The following DHRS12 variants were observed in gnomAD, a reference collection of about 807,000 sequenced individuals.
The protein encoded by DHRS12 is dehydrogenase/reductase SDR family member 12.
A neutral mutation model predicts 32.1 loss-of-function variants in DHRS12; 29 were observed. The ratio of observed to expected loss-of-function variants is 0.90; its 90% CI spans 0.67 to 1.23. DHRS12 has a LOEUF of 1.23. Among genes scored for constraint, DHRS12 ranks in the 50% most tolerant of loss-of-function variants. The pLI is 0.00. For missense variants in DHRS12, 330 were observed against 337.2 expected, an observed-to-expected ratio of 0.98 and a Z score of 0.17; for synonymous variants, 150 against 135.9, an observed-to-expected ratio of 1.10 and a Z score of -0.72.
At chr13:51,796,451 A>G (rs1350580453) in intron 2 of DHRS12, among the ~76,000 whole-genome samples, 1 of 152,174 alleles carries the variant, frequency 6.6e-6, no homozygotes, top group Non-Finnish European at 1.5e-5. Context: ...GTGTATCTGT[A>G]TGGAGGTGAG....
intron 4 of DHRS12, among the ~76,000 whole-genome samples, chr13:51,786,273 T>G (rs1954951534): frequency 1.3e-5 from 2 of 152,188 alleles, no homozygotes; most frequent in Admixed American, 1.3e-4. Context: ...TCGTCTTGTG[T>G]CCTGTGGTGA....
In DHRS12 at chr13:51,790,107, T is replaced by C. The variant is rs1431775610; in HGVS notation, c.220-15A>G. On this transcript the variant is annotated splice_polypyrimidine_tract_variant and intron_variant, in intron 3 of 8. Coordinates refer to ENST00000444610, the MANE Select transcript of DHRS12 (RefSeq NM_001377533.1). The stretch of plus-strand genomic sequence containing the variant: ...GCATTATTGATCTAAAATTTATAGT[T>C]CTCATTTCAAAATAAAGAAAAATAG... The C allele has an allele frequency of 1.9e-6, 3 of 1,561,972 alleles. No homozygotes were observed. Among genetic ancestry groups the C allele is most frequent in the Non-Finnish European group, 2.6e-6 (3 of 1,160,780 alleles).
chr13:51,803,038 C>T lies in DHRS12; in HGVS notation c.-9+1016G>A, dbSNP rs531614400. ...AGGACACCCCTTTGAAAGAAAGAGGCTGCCACTGTATTCCCCTAAAAACTG... is the reference window on the plus strand; with the variant it reads ...AGGACACCCCTTTGAAAGAAAGAGGTTGCCACTGTATTCCCCTAAAAACTG... On this transcript the variant is annotated intron_variant, in intron 1 of 8. Transcript: ENST00000444610. 3.9e-5 allele frequency among the ~76,000 whole-genome samples: 6 copies of T among 152,358 alleles called. No individual in the cohort carries two copies. In the South Asian group the frequency reaches 1.2e-3, roughly 32 times the overall value.
intron 4 of DHRS12, 86 bp downstream of exon 4, chr13:51,789,925 A>C (rs1383711475): frequency 2.1e-6 from 3 of 1,453,942 alleles, no homozygotes; most frequent in East Asian, 5.1e-5. Context: ...AAGAACCAAA[A>C]AAGTTGGTCA....
intron 2 of DHRS12, among the ~76,000 whole-genome samples, chr13:51,797,395 C>T (rs971547673): frequency 9.2e-5 from 14 of 152,204 alleles, no homozygotes; most frequent in Admixed American, 8.5e-4. Context: ...TCTGAAGGCT[C>T]GTGTCAGAAA....
At chr13:51,771,579 T>G in intron 7 of DHRS12, 1 of 1,563,286 alleles carries the variant, frequency 6.4e-7, no homozygotes, top group South Asian at 1.2e-5. Context: ...GCGCACCTGC[T>G]CCCGTTCCCA....
chr13:51,767,363 G>C (rs1953782066), downstream of DHRS12: 1 of 152,218 alleles, frequency 6.6e-6, no homozygotes, highest in Non-Finnish European at 1.5e-5. Flanking sequence ...TGATGTTTCA[G>C]GCTGGCACAC....
At chr13:51,771,238 T>G (rs993885375) in intron 7 of DHRS12, 8 of 1,551,622 alleles carry the variant, frequency 5.2e-6, no homozygotes, top group Non-Finnish European at 7.0e-6. Context: ...TGCTGCTGCT[T>G]TCAGTTCCCT....
intron 2 of DHRS12, among the ~76,000 whole-genome samples, chr13:51,798,412 T>C (rs1315486444): frequency 6.6e-6 from 1 of 152,230 alleles, no homozygotes; most frequent in Non-Finnish European, 1.5e-5. Context: ...GCCCTCATAT[T>C]ATCCCAGCAA....
the DHRS12 span, among the ~76,000 whole-genome samples, chr13:51,758,587 T>C: frequency 7.0e-6 from 1 of 142,654 alleles, no homozygotes; most frequent in Non-Finnish European, 1.5e-5. Flanking sequence ...CCATTGAAGG[T>C]GAGTGTTTTT....
intron 7 of DHRS12, chr13:51,771,362 C>T (rs542705422): frequency 5.6e-6 from 9 of 1,613,184 alleles, no homozygotes; most frequent in South Asian, 4.4e-5. Context: ...TGCTCCAACA[C>T]GCTTCCAGAT....
chr13:51,768,199 C>T lies in DHRS12; in HGVS notation c.795G>A (p.Gln265=), dbSNP rs189527950. The change falls in exon 9 of 9, where the codon CAG becomes CAA. Residue 265 remains glutamine, a synonymous_variant. Transcript: ENST00000444610. Reference sequence around the variant, plus strand: ...TGTCTGGGTTGGCCTATTTAAATGTCTGAGCCAGCTGTTCCAGGATTTCAA... The same window carrying T: ...TGTCTGGGTTGGCCTATTTAAATGTTTGAGCCAGCTGTTCCAGGATTTCAA... The part of the protein sequence containing the change: ...KLIEILEQLA[Q]TFK 16 of 1,536,014 alleles carry T rather than the reference C, an allele frequency of 1.0e-5. No individual in the cohort carries two copies. Among genetic ancestry groups the T allele is most frequent in the Non-Finnish European group, 1.4e-5 (16 of 1,146,908 alleles).
intron 4 of DHRS12, among the ~76,000 whole-genome samples, chr13:51,780,806 T>C (rs2139104909): frequency 6.6e-6 from 1 of 152,356 alleles, no homozygotes; most frequent in South Asian, 2.1e-4. Context: ...ATAGTATTTC[T>C]GAAATTATAT....
chr13:51,802,169 T>TCTCACA (rs1417081430), intron 1 of DHRS12, among the ~76,000 whole-genome samples: 5 of 139,782 alleles, frequency 3.6e-5, no homozygotes, highest in South Asian at 5.0e-4. Context: ...TCTCTATTTT[T>TCTCACA]CACACACACA....
intron 4 of DHRS12, chr13:51,789,597 C>A: frequency 2.0e-6 from 2 of 985,388 alleles, no homozygotes; most frequent in Non-Finnish European, 2.4e-6. Context: ...GCAACCAGAG[C>A]CCAGGTATCT....
chr13:51,783,118 G>T (rs538144301), intron 4 of DHRS12, among the ~76,000 whole-genome samples: 4 of 152,272 alleles, frequency 2.6e-5, no homozygotes, highest in Non-Finnish European at 5.9e-5. Context: ...GCAGAAAACC[G>T]AAAATCAATG....
chr13:51,768,500 G>C, intron 8 of DHRS12: 3 of 1,418,604 alleles, frequency 2.1e-6, no homozygotes, highest in Non-Finnish European at 2.8e-6. Flanking sequence ...GAACTGGGAG[G>C]CTGCAGCCAG....
intron 4 of DHRS12, among the ~76,000 whole-genome samples, chr13:51,780,674 ATCTC>A (rs970817237): frequency 9.2e-5 from 14 of 152,212 alleles, no homozygotes; most frequent in South Asian, 6.2e-4. Context: ...CTTGAAGCAA[ATCTC>A]TCTATCAACT....
rs1265477047 is a variant in DHRS12 at position 51,782,282 on chromosome 13, CAG to C, written c.302-5163_302-5162del. Among the ~76,000 whole-genome samples, 2 of 152,036 alleles carry C rather than the reference CAG, an allele frequency of 1.3e-5. No homozygotes were observed. Among genetic ancestry groups the C allele is most frequent in the East Asian group, 1.9e-4 (1 of 5,180 alleles). On this transcript the variant is annotated intron_variant, in intron 4 of 8. Transcript: ENST00000444610. This position sits in a 1 kb window ranked among gnomAD's most constrained non-coding sequence, Gnocchi z 4.2. ...CATTGGGGCAAGGATGAGATCCCAACAGAGAGTGTGGGAGGAGAAAGGAGGGC... is the reference window on the plus strand; with the variant it reads ...CATTGGGGCAAGGATGAGATCCCAACAGAGTGTGGGAGGAGAAAGGAGGGC...
Sources: gnomAD v4.1 joint callset for allele counts (sites outside exome capture counted in the v4.1 genomes callset) on GRCh38, gnomAD v4.1.1 for gene constraint, Gnocchi (gnomAD v3.1) non-coding constraint, MANE v1.5 for transcripts, NCBI Gene and HGNC (gene_info 2026-07-23, HGNC 2026-07-21) for gene names.